PSMG4: variants seen among roughly 807,000 people sequenced by gnomAD.
PSMG4 encodes the protein proteasome (prosome, macropain) assembly chaperone 4.
Under a neutral mutation model 11.0 loss-of-function variants are expected in PSMG4, and 10 were observed. That is an observed-to-expected ratio of 0.91 (90% CI 0.56 to 1.54). PSMG4 has a LOEUF of 1.54. Among genes scored for constraint, PSMG4 ranks in the 40% most tolerant of loss-of-function variants. PSMG4 has a pLI of 0.00. For missense variants in PSMG4, 198 were observed against 160.9 expected, an observed-to-expected ratio of 1.23 and a Z score of -1.25; for synonymous variants, 95 against 71.3, an observed-to-expected ratio of 1.33 and a Z score of -1.68.
Position 3,259,210 on chromosome 6 carries a change from G to A in PSMG4, c.174+14G>A, listed in dbSNP as rs766109268. Reference sequence around the variant, plus strand: ...TGCAGCCGCTACGTGAGTGCCTGGCGGCCGAGGGTGCGGGCGGCGGGGCGG... The same window carrying A: ...TGCAGCCGCTACGTGAGTGCCTGGCAGCCGAGGGTGCGGGCGGCGGGGCGG... On this transcript the variant is annotated intron_variant, in intron 1 of 2. Coordinates refer to ENST00000438998, the MANE Select transcript of PSMG4 (RefSeq NM_001128591.2). 5.6e-5 allele frequency: 72 copies of A among 1,282,270 alleles called. No homozygotes were observed. In the East Asian group the frequency reaches 2.2e-3, roughly 38 times the overall value. The allele number at this position is 1,282,270 out of a possible 1,614,324, so 79.4% of individuals were successfully genotyped here. A position where few individuals can be genotyped will look rare whatever the true frequency, so the allele number is the denominator to read the frequency against.
upstream of PSMG4, among the ~76,000 whole-genome samples, chr6:3,254,744 C>T (rs576133745): frequency 1.4e-4 from 22 of 152,172 alleles, no homozygotes; most frequent in East Asian, 1.2e-3. Flanking sequence ...CCCCCTGTGC[C>T]TCTTTTAAAA....
upstream of PSMG4, among the ~76,000 whole-genome samples, chr6:3,257,729 G>A (rs1757813296): frequency 6.6e-6 from 1 of 152,052 alleles, no homozygotes; most frequent in African/African-American, 2.4e-5. Context: ...TCAGTGGTTG[G>A]GGGCAGGAGT....
At chr6:3,261,949 C>T (rs892717770) in intron 1 of PSMG4, among the ~76,000 whole-genome samples, 6 of 152,236 alleles carry the variant, frequency 3.9e-5, no homozygotes, top group Admixed American at 3.9e-4. Context: ...TGGAGAATGG[C>T]ACCAGACGGT....
chr6:3,259,768 A>G (rs1757906000), intron 1 of PSMG4, among the ~76,000 whole-genome samples: 2 of 152,028 alleles, frequency 1.3e-5, no homozygotes, highest in South Asian at 4.1e-4. Context: ...AAAGCAGACA[A>G]AACCCAAGCC....
chr6:3,256,215 C>T (rs1221634638), upstream of PSMG4, among the ~76,000 whole-genome samples: 1 of 152,196 alleles, frequency 6.6e-6, no homozygotes, highest in Admixed American at 6.5e-5. Flanking sequence ...TGGTTTTCTC[C>T]ACTATGATAG....
At chr6:3,255,347 AGTT>A, upstream of PSMG4, 1 of 1,455,266 alleles carries the variant, frequency 6.9e-7, no homozygotes, top group Non-Finnish European at 9.1e-7. Flanking sequence ...CATTCTATGT[AGTT>A]GCTTAATTTT....
upstream of PSMG4, among the ~76,000 whole-genome samples, chr6:3,256,281 A>G (rs1466513646): frequency 1.3e-5 from 2 of 152,256 alleles, no homozygotes; most frequent in South Asian, 2.1e-4. Context: ...TTCTAGGTAT[A>G]TATATCCCAG....
intron 1 of PSMG4, among the ~76,000 whole-genome samples, chr6:3,261,485 G>C (rs935809706): frequency 6.6e-6 from 1 of 152,218 alleles, no homozygotes; most frequent in African/African-American, 2.4e-5. Flanking sequence ...CCTCCTGTGG[G>C]TGGTTTTGGT....
intron 2 of PSMG4, chr6:3,264,570 G>A: frequency 3.3e-6 from 2 of 608,792 alleles, no homozygotes; most frequent in South Asian, 2.2e-5. Flanking sequence ...AGGGCAGGGT[G>A]GAGTGTCACC....
chr6:3,254,568 G>A (rs114695956), upstream of PSMG4, among the ~76,000 whole-genome samples: 307 of 152,244 alleles, frequency 2.0e-3, 1 homozygote, highest in African/African-American at 6.9e-3. Flanking sequence ...CGGGGTTTGT[G>A]AGGCTGGGAA....
At chr6:3,260,217 G>A (rs1177138621) in intron 1 of PSMG4, among the ~76,000 whole-genome samples, 3 of 149,270 alleles carry the variant, frequency 2.0e-5, no homozygotes, top group African/African-American at 7.4e-5. Flanking sequence ...CTTCTCATAA[G>A]GACATCAGTA....
At chr6:3,264,523 C>A in intron 2 of PSMG4, 1 of 1,054,140 alleles carries the variant, frequency 9.5e-7, no homozygotes, top group Non-Finnish European at 1.3e-6. Context: ...GAGGCAAATG[C>A]ACACGAATAG....
rs1561840992 is a variant in PSMG4, at chr6:3,260,293, T to TA, written c.174+1097_174+1098insA. Among the ~76,000 whole-genome samples the TA allele has an allele frequency of 1.3e-4, 12 of 89,714 alleles. 1 individual carries two copies. The highest frequency in any genetic ancestry group is 1.1e-3 in the South Asian group (3 of 2,806). The allele number at this position is 89,714 out of a possible 152,430, so 58.9% of individuals were successfully genotyped here. On this transcript the variant is annotated intron_variant, in intron 1 of 2. Coordinates refer to ENST00000438998, the MANE Select transcript of PSMG4 (RefSeq NM_001128591.2). ...TCTTAAATTGTATATATATATATAT[T>TA]TTTTTTTTTTTTTTTTGAAGCAAAG...
intron 2 of PSMG4, 128 bp downstream of exon 2, chr6:3,263,887 A>AAGC: frequency 6.8e-7 from 1 of 1,465,246 alleles, no homozygotes; most frequent in South Asian, 1.4e-5. Flanking sequence ...TGCTGCTGGG[A>AAGC]AGCACAGACC....
rs767879008 is a variant in PSMG4 at position 3,267,737 on chromosome 6, T to C, written c.*25T>C. ...GCTGAGTGGCAGAAGTGAGAATTTG[T>C]AAACTTATGTACAATGTACGTGTAA... On this transcript the variant is annotated 3_prime_UTR_variant, in exon 3 of 3. Coordinates refer to ENST00000438998, the MANE Select transcript of PSMG4 (RefSeq NM_001128591.2). 1.3e-6 allele frequency: 2 copies of C among 1,549,318 alleles called. No homozygotes were observed. Among genetic ancestry groups the C allele is most frequent in the South Asian group, 1.2e-5 (1 of 83,890 alleles).
rs947831461 is a variant in PSMG4 at position 3,259,116 on chromosome 6, C to T, written c.94C>T (p.Arg32Trp). The change falls in exon 1 of 3, where the codon CGG becomes TGG. Residue 32 changes from arginine (R) to tryptophan (W), a missense_variant. By Grantham distance (101) the Arg-to-Trp change is moderately radical (BLOSUM62 -3). Transcript: ENST00000438998. ...WEQLVHFHVM[R>W]LTDSLFLWVG... is the part of the protein sequence containing the mutation. Reference sequence around the variant, plus strand: ...GCAGCTGGTCCACTTCCACGTCATGCGGCTGACGGACTCGCTGTTCCTGTG... The same window carrying T: ...GCAGCTGGTCCACTTCCACGTCATGTGGCTGACGGACTCGCTGTTCCTGTG... 15 of 1,280,734 alleles carry T rather than the reference C, an allele frequency of 1.2e-5. No individual in the cohort carries two copies. Among genetic ancestry groups the T allele is most frequent in the Non-Finnish European group, 1.4e-5 (14 of 1,012,312 alleles). The allele number at this position is 1,280,734 out of a possible 1,614,324, so 79.3% of individuals were successfully genotyped here.
At chr6:3,263,141 A>T (rs1758054843) in intron 1 of PSMG4, among the ~76,000 whole-genome samples, 1 of 74,160 alleles carries the variant, frequency 1.3e-5, no homozygotes, top group Non-Finnish European at 4.7e-5. Flanking sequence ...CCCTATTTAG[A>T]TGCTGGTGGC....
upstream of PSMG4, among the ~76,000 whole-genome samples, chr6:3,256,439 C>T (rs1426065105): frequency 3.9e-5 from 6 of 152,226 alleles, no homozygotes; most frequent in Non-Finnish European, 7.3e-5. Flanking sequence ...CCCCAGATCT[C>T]AATTCCAGCT....
At chr6:3,255,639 C>T (rs1581541259), upstream of PSMG4, among the ~76,000 whole-genome samples, 1 of 152,258 alleles carries the variant, frequency 6.6e-6, no homozygotes, top group East Asian at 1.9e-4. Context: ...TAGCTTGCGC[C>T]CACAGACAAA....
Sources: gnomAD v4.1 joint callset for allele counts (sites outside exome capture counted in the v4.1 genomes callset) on GRCh38, gnomAD v4.1.1 for gene constraint, MANE v1.5 for transcripts, NCBI Gene and HGNC (gene_info 2026-07-23, HGNC 2026-07-21) for gene names.